Variants in TLCD3A observed in about 807,000 individuals in gnomAD.
The protein encoded by TLCD3A is TLC domain containing 3A, also known as TLC domain-containing protein 3A.
A neutral mutation model predicts 29.9 loss-of-function variants in TLCD3A; 17 were observed. The observed-to-expected ratio is 0.57, with a 90% CI of 0.39 to 0.85. The LOEUF is 0.85. Ranked by LOEUF, TLCD3A falls within the 40% of genes least tolerant of loss-of-function variation. The pLI is 0.00. For missense variants in TLCD3A, 332 were observed against 350.8 expected (o/e 0.95, Z 0.43); for synonymous variants, 143 against 147.7 (o/e 0.97, Z 0.23).
At chr17:741,161 G>C (rs1974246895) in intron 4 of TLCD3A, 140 bp from the exon 5 acceptor site, 10 of 774,656 alleles carry the variant, frequency 1.3e-5, no homozygotes, top group Non-Finnish European at 2.1e-5. Context: ...CAAACGTCTG[G>C]GCGCCAGGGA....
At chr17:739,734 ATC>A (rs1382461294) in intron 3 of TLCD3A, among the ~76,000 whole-genome samples, 1 of 152,232 alleles carries the variant, frequency 6.6e-6, no homozygotes, top group African/African-American at 2.4e-5. Flanking sequence ...GTATTCTTAT[ATC>A]TCTCAGTGGT....
At chr17:739,446 C>A (rs896187947) in intron 3 of TLCD3A, among the ~76,000 whole-genome samples, 9 of 152,218 alleles carry the variant, frequency 5.9e-5, no homozygotes. Context: ...GCCTCAGCCT[C>A]CCAAAGTGCT....
At chr17:733,048 G>A in intron 1 of TLCD3A, 50 bp from the exon 2 acceptor site, 1 of 1,521,958 alleles carries the variant, frequency 6.6e-7, no homozygotes, top group East Asian at 2.5e-5. Flanking sequence ...GGCTCCCTGC[G>A]GTCCTCGGAC....
rs1221351841 is a variant in TLCD3A at position 740,541 on chromosome 17, T to C, written c.445T>C (p.Cys149Arg). The part of the protein sequence containing the change: ...RGDLGDFFVG[C>R]IFTAELSTPF... ...AGACCTTGGGGACTTCTTTGTCGGC[T>C]GCATCTTCACGGCAGAACTGAGCAC... The change falls in exon 4 of 5, where the codon TGC becomes CGC. Residue 149 changes from cysteine (C) to arginine (R), a missense_variant. Cys to Arg is a radical substitution (Grantham distance 180, BLOSUM62 -3). Coordinates refer to ENST00000308278, the MANE Select transcript of TLCD3A (RefSeq NM_024792.3). 1 of 1,614,132 alleles carries C rather than the reference T, an allele frequency of 6.2e-7. No homozygotes were observed. The highest frequency in any genetic ancestry group is 8.5e-7 in the Non-Finnish European group (1 of 1,179,998).
intron 3 of TLCD3A, 47 bp downstream of exon 3, chr17:738,094 G>GTGTTTTTTTTT: frequency 2.3e-6 from 1 of 428,610 alleles, no homozygotes; most frequent in Non-Finnish European, 3.5e-6. Flanking sequence ...TGAGCTGGGT[G>GTGTTTTTTTTT]TCTTTTTTTT....
rs141777789 is a variant in TLCD3A at position 741,748 on chromosome 17, C to T, written c.*178C>T. Reference sequence around the variant, plus strand: ...TTCTAACTTGCCCTATTTGCAAAAGCACTTTTGTAGTAACAACTATTGGGT... The same window carrying T: ...TTCTAACTTGCCCTATTTGCAAAAGTACTTTTGTAGTAACAACTATTGGGT... On this transcript the variant is annotated 3_prime_UTR_variant, in exon 5 of 5. Transcript: ENST00000308278. 9.4e-6 allele frequency: 7 copies of T among 746,974 alleles called. No homozygotes were observed. The highest frequency in any genetic ancestry group is 8.8e-5 in the African/African-American group (5 of 56,924). 46.3% of individuals were successfully genotyped at this position (746,974 alleles called of 1,614,324 possible). A position where few individuals can be genotyped will look rare whatever the true frequency, so the allele number is the denominator to read the frequency against.
At chr17:739,971 G>A (rs1259250434) in intron 3 of TLCD3A, among the ~76,000 whole-genome samples, 3 of 152,122 alleles carry the variant, frequency 2.0e-5, no homozygotes, top group Admixed American at 6.5e-5. Flanking sequence ...ATTTGAACCC[G>A]GGAGGCAGAG....
intron 3 of TLCD3A, among the ~76,000 whole-genome samples, chr17:738,424 G>A (rs1974198530): frequency 6.6e-6 from 1 of 151,762 alleles, no homozygotes; most frequent in Non-Finnish European, 1.5e-5. Context: ...CGTTACTTAG[G>A]AGTCGGGATT....
chr17:733,037 G>A, intron 1 of TLCD3A, 61 bp from the exon 2 acceptor site: 1 of 1,526,832 alleles, frequency 6.5e-7, no homozygotes, highest in Non-Finnish European at 8.9e-7. Context: ...GGGCCGGGCC[G>A]GGCTCCCTGC....
rs371416085 is a variant in TLCD3A, at chr17:737,838, T to G, written c.207-8T>G. 6.3e-5 allele frequency: 102 copies of G among 1,613,886 alleles called. No individual in the cohort carries two copies. Among genetic ancestry groups the G allele is most frequent in the African/African-American group, 3.7e-4 (28 of 74,926 alleles). ...GATTTCACGGGCCATTCATATGCTT[T>G]CTTTCAGGCACTGGCTTGCCCGGGA... On this transcript the variant is annotated splice_region_variant and splice_polypyrimidine_tract_variant and intron_variant, in intron 2 of 4. Coordinates refer to ENST00000308278, the MANE Select transcript of TLCD3A (RefSeq NM_024792.3).
At chr17:734,752 T>C (rs1264416518) in intron 2 of TLCD3A, among the ~76,000 whole-genome samples, 1 of 152,196 alleles carries the variant, frequency 6.6e-6, no homozygotes, top group East Asian at 1.9e-4. Flanking sequence ...GAAGGTGGTA[T>C]GGGGCCAAGG....
chr17:738,137 C>T (rs1426462667), intron 3 of TLCD3A, 90 bp downstream of exon 3: 11 of 990,582 alleles, frequency 1.1e-5, no homozygotes, highest in South Asian at 1.7e-5. Flanking sequence ...ACTCTGCCGC[C>T]CCAGCTGGAG....
At chr17:737,359 C>T (rs1432199285) in intron 2 of TLCD3A, among the ~76,000 whole-genome samples, 1 of 152,122 alleles carries the variant, frequency 6.6e-6, no homozygotes, top group Non-Finnish European at 1.5e-5. Flanking sequence ...CCCAGAAACT[C>T]CATAGAGTGG....
At chr17:733,719 C>A (rs1043630636) in intron 2 of TLCD3A, among the ~76,000 whole-genome samples, 1 of 152,240 alleles carries the variant, frequency 6.6e-6, no homozygotes, top group African/African-American at 2.4e-5. Context: ...CACCTATCTG[C>A]AGTTCCAGTG....
intron 4 of TLCD3A, 110 bp from the exon 5 acceptor site, chr17:741,191 G>C: frequency 8.9e-7 from 1 of 1,120,548 alleles, no homozygotes; most frequent in Non-Finnish European, 1.3e-6. Flanking sequence ...CCAAGGTCTT[G>C]ATGAGCACCT....
intron 3 of TLCD3A, among the ~76,000 whole-genome samples, chr17:738,614 C>T (rs192284902): frequency 6.6e-6 from 1 of 152,266 alleles, no homozygotes; most frequent in East Asian, 1.9e-4. Context: ...ACTCTGTCAC[C>T]CCGGGTGGAG....
intron 2 of TLCD3A, among the ~76,000 whole-genome samples, chr17:736,511 A>T (rs1974155684): frequency 6.6e-6 from 1 of 152,148 alleles, no homozygotes; most frequent in Non-Finnish European, 1.5e-5. Flanking sequence ...ATCAACTATG[A>T]TTTCCATTCA....
At chr17:737,544 A>T (rs981394482) in intron 2 of TLCD3A, among the ~76,000 whole-genome samples, 1 of 152,168 alleles carries the variant, frequency 6.6e-6, no homozygotes, top group Non-Finnish European at 1.5e-5. Flanking sequence ...TCTATATCAA[A>T]ATCAGTTTTA....
At chr17:737,075 A>G (rs2740352) in intron 2 of TLCD3A, among the ~76,000 whole-genome samples, 131,403 of 151,450 alleles carry the variant, frequency 0.87, 57,189 homozygotes, top group African/African-American at 0.95. Flanking sequence ...GCAGTGGCGC[A>G]ATATCGGCTC....
Sources: gnomAD v4.1 joint callset for allele counts (sites outside exome capture counted in the v4.1 genomes callset) on GRCh38, gnomAD v4.1.1 for gene constraint, MANE v1.5 for transcripts, NCBI Gene and HGNC (gene_info 2026-07-23, HGNC 2026-07-21) for gene names.